The following MARK1 variants were observed in gnomAD, a reference collection of about 807,000 sequenced individuals.
The protein encoded by MARK1 is microtubule affinity regulating kinase 1.
Under a neutral mutation model 96.3 loss-of-function variants are expected in MARK1, and 40 were observed. The ratio of observed to expected loss-of-function variants is 0.42; its 90% CI spans 0.32 to 0.54. The LOEUF is 0.54. Ranked by LOEUF, MARK1 falls within the 20% of genes least tolerant of loss-of-function variation. The probability of loss-of-function intolerance (pLI) is 0.16; values close to 1 mark genes in which losing one functional copy is unlikely to be tolerated. For synonymous variants in MARK1, 317 were observed against 341.2 expected, an observed-to-expected ratio of 0.93 and a Z score of 0.78; for missense variants, 719 against 984.6, an observed-to-expected ratio of 0.73 and a Z score of 3.61.
intron 13 of MARK1, among the ~76,000 whole-genome samples, chr1:220,645,862 T>G (rs1225443443): frequency 6.6e-6 from 1 of 152,172 alleles, no homozygotes; most frequent in African/African-American, 2.4e-5. Context: ...CATCCCTTCA[T>G]GTTCTCAATA....
intron 16 of MARK1, among the ~76,000 whole-genome samples, chr1:220,657,352 G>A (rs564455141): frequency 6.6e-6 from 1 of 152,204 alleles, no homozygotes; most frequent in African/African-American, 2.4e-5. Flanking sequence ...GGAAATTGGT[G>A]TTTATTTGCT....
chr1:220,581,122 TTTAA>T lies in MARK1; in HGVS notation c.309+11_309+14del. 2 of 1,027,690 alleles carry T rather than the reference TTTAA, an allele frequency of 1.9e-6. No individual in the cohort carries two copies. The highest frequency in any genetic ancestry group is 2.7e-6 in the Non-Finnish European group (2 of 751,310). 63.7% of individuals were successfully genotyped at this position (1,027,690 alleles called of 1,614,324 possible). A position where few individuals can be genotyped will look rare whatever the true frequency, so the allele number is the denominator to read the frequency against. On this transcript the variant is annotated splice_donor_5th_base_variant and intron_variant, in intron 3 of 17. Coordinates refer to ENST00000366917, the MANE Select transcript of MARK1 (RefSeq NM_018650.5). The stretch of plus-strand genomic sequence containing the variant: ...AAATCCTACCAGTCTACAAAAGGTA[TTTAA>T]TTAATTTAATAAGTAATTAAAATGT...
intron 6 of MARK1, among the ~76,000 whole-genome samples, chr1:220,615,569 T>C (rs1160582953): frequency 6.6e-6 from 1 of 152,180 alleles, no homozygotes; most frequent in Non-Finnish European, 1.5e-5. Flanking sequence ...TATCTTAAAA[T>C]ACTAATTCAT....
At chr1:220,563,889 AC>A (rs1290353143) in intron 1 of MARK1, among the ~76,000 whole-genome samples, 1 of 151,922 alleles carries the variant, frequency 6.6e-6, no homozygotes, top group Non-Finnish European at 1.5e-5. Context: ...TTTAATTTGA[AC>A]CCCCATCTTT....
intron 1 of MARK1, among the ~76,000 whole-genome samples, chr1:220,529,190 CT>C (rs1660139533): frequency 6.6e-6 from 1 of 152,170 alleles, no homozygotes; most frequent in Admixed American, 6.5e-5. Flanking sequence ...GTCAGGATTG[CT>C]TTATTTCTAC....
At chr1:220,590,248 T>C (rs1034836600) in intron 3 of MARK1, among the ~76,000 whole-genome samples, 2 of 152,182 alleles carry the variant, frequency 1.3e-5, no homozygotes, top group Admixed American at 1.3e-4. Context: ...TACTTTTCAA[T>C]TGGCCAAAAT....
At chr1:220,621,773 A>G (rs1382163919) in intron 9 of MARK1, among the ~76,000 whole-genome samples, 1 of 152,058 alleles carries the variant, frequency 6.6e-6, no homozygotes, top group Non-Finnish European at 1.5e-5. Context: ...TCTTCACTAT[A>G]TATTTTGCTA....
At chr1:220,548,781 T>A (rs1336339982) in intron 1 of MARK1, among the ~76,000 whole-genome samples, 2 of 152,038 alleles carry the variant, frequency 1.3e-5, no homozygotes, top group African/African-American at 4.8e-5. Context: ...TAATAATAAT[T>A]AATAAATAAA....
intron 1 of MARK1, among the ~76,000 whole-genome samples, chr1:220,549,869 C>T (rs1246214812): frequency 1.3e-5 from 2 of 152,142 alleles, no homozygotes; most frequent in Non-Finnish European, 2.9e-5. Context: ...GTTGGGTTTT[C>T]ATTGGTAGGC....
intron 1 of MARK1, among the ~76,000 whole-genome samples, chr1:220,541,215 G>A (rs1195649822): frequency 6.6e-6 from 1 of 152,110 alleles, no homozygotes; most frequent in Non-Finnish European, 1.5e-5. Flanking sequence ...TGACAGGCAA[G>A]AGCCACCACA....
intron 3 of MARK1, among the ~76,000 whole-genome samples, chr1:220,588,614 C>A (rs565391155): frequency 1.3e-5 from 2 of 152,218 alleles, no homozygotes; most frequent in South Asian, 4.2e-4. Flanking sequence ...AATAATTTTA[C>A]AAAATACTTG....
chr1:220,567,496 G>A (rs1329153118), intron 1 of MARK1, among the ~76,000 whole-genome samples: 1 of 152,132 alleles, frequency 6.6e-6, no homozygotes, highest in Non-Finnish European at 1.5e-5. Flanking sequence ...TCACATTAAA[G>A]GCTATTCAGG....
chr1:220,620,799 A>G (rs1572187329), intron 9 of MARK1, among the ~76,000 whole-genome samples: 1 of 152,242 alleles, frequency 6.6e-6, no homozygotes, highest in East Asian at 1.9e-4. Context: ...CTATGAAACC[A>G]CGAGTCCCCA....
At chr1:220,576,902 G>A (rs1350471832) in intron 1 of MARK1, among the ~76,000 whole-genome samples, 1 of 152,114 alleles carries the variant, frequency 6.6e-6, no homozygotes, top group Admixed American at 6.6e-5. Flanking sequence ...ACAGAAAAGA[G>A]GAATAATCAT....
At chr1:220,657,697 C>T in intron 16 of MARK1, 93 bp from the exon 17 acceptor site, 2 of 900,580 alleles carry the variant, frequency 2.2e-6, no homozygotes, top group Non-Finnish European at 3.3e-6. Flanking sequence ...GAAGTTTGCT[C>T]AACAAGCTAA....
At chr1:220,580,548 C>T (rs1011690592) in intron 2 of MARK1, among the ~76,000 whole-genome samples, 2 of 152,088 alleles carry the variant, frequency 1.3e-5, no homozygotes, top group African/African-American at 2.4e-5. Context: ...ATATTATTGT[C>T]GTTTCCCATT....
chr1:220,643,199 G>A (rs1258562055), intron 13 of MARK1, among the ~76,000 whole-genome samples: 3 of 152,134 alleles, frequency 2.0e-5, no homozygotes, highest in African/African-American at 7.2e-5. Context: ...AAGAAGCTAA[G>A]AACCGTGATG....
intron 1 of MARK1, among the ~76,000 whole-genome samples, chr1:220,529,629 G>T (rs1169242096): frequency 6.6e-6 from 1 of 152,144 alleles, no homozygotes; most frequent in Non-Finnish European, 1.5e-5. Context: ...AGTGTCACAA[G>T]GTGCACATCT....
intron 6 of MARK1, among the ~76,000 whole-genome samples, chr1:220,608,245 CTAT>C (rs1666210388): frequency 6.6e-6 from 1 of 152,146 alleles, no homozygotes; most frequent in Non-Finnish European, 1.5e-5. Context: ...TGTTATTGGT[CTAT>C]TCAGAGATTC....
Sources: gnomAD v4.1 joint callset for allele counts (sites outside exome capture counted in the v4.1 genomes callset) on GRCh38, gnomAD v4.1.1 for gene constraint, MANE v1.5 for transcripts, NCBI Gene and HGNC (gene_info 2026-07-23, HGNC 2026-07-21) for gene names.